Variants in TET1 observed in about 807,000 individuals in gnomAD.
TET1 encodes tet methylcytosine dioxygenase 1, also known as methylcytosine dioxygenase TET1.
A neutral mutation model predicts 148.7 loss-of-function variants in TET1; 13 were observed. That is an observed-to-expected ratio of 0.09 (90% CI 0.06 to 0.14). The LOEUF is 0.14. Among genes scored for constraint, TET1 ranks in the 10% least tolerant of loss-of-function variants. TET1 has a pLI of 1.00. For missense variants in TET1, 2,182 were observed against 2,553.8 expected, an observed-to-expected ratio of 0.85 and a Z score of 3.14; for synonymous variants, 907 against 937.2, an observed-to-expected ratio of 0.97 and a Z score of 0.59.
chr10:68,608,958 T>C (rs2054167398), intron 3 of TET1, among the ~76,000 whole-genome samples: 1 of 152,162 alleles, frequency 6.6e-6, no homozygotes, highest in African/African-American at 2.4e-5. Context: ...CCAAAAGTGT[T>C]GGAATTACAG....
chr10:68,596,961 T>A (rs1815775583), intron 2 of TET1, among the ~76,000 whole-genome samples: 1 of 151,882 alleles, frequency 6.6e-6, no homozygotes, highest in South Asian at 2.1e-4. Context: ...ATAGATATTC[T>A]GTACACCTAA....
chr10:68,588,305 G>A (rs950783351), intron 2 of TET1, among the ~76,000 whole-genome samples: 1 of 152,170 alleles, frequency 6.6e-6, no homozygotes, highest in Non-Finnish European at 1.5e-5. Context: ...TATTAAGTGA[G>A]CAGTATAGCA....
At chr10:68,671,663 G>T (rs10762236) in intron 7 of TET1, among the ~76,000 whole-genome samples, 111,948 of 152,234 alleles carry the variant, frequency 0.74, 42,396 homozygotes, top group East Asian at 0.84. Context: ...TAAGGCTTTA[G>T]AAATGCCCTA....
chr10:68,640,286 G>C (rs2054725639), intron 3 of TET1, among the ~76,000 whole-genome samples: 1 of 132,240 alleles, frequency 7.6e-6, no homozygotes, highest in Non-Finnish European at 1.6e-5. Context: ...TTTTCTGAGA[G>C]GGAGTCTCAC....
intron 6 of TET1, among the ~76,000 whole-genome samples, chr10:68,664,167 G>C (rs1036954121): frequency 2.6e-5 from 4 of 151,872 alleles, no homozygotes; most frequent in Admixed American, 2.0e-4. Context: ...TACTTTGCTA[G>C]GTGACAAATA....
chr10:68,570,901 G>A lies in TET1; in HGVS notation c.-122-1316G>A, dbSNP rs1590157150. 3.3e-5 allele frequency among the ~76,000 whole-genome samples: 5 copies of A among 151,978 alleles called. 2 individuals are homozygous for A. Among genetic ancestry groups the A allele is most frequent in the Admixed American group, 3.3e-4 (5 of 15,276 alleles). ...GCCTGCCTCAGCCTTCCAAAGTGCTGGGATTACAGGTGTGAACCACCGCGC... is the reference window on the plus strand; with the variant it reads ...GCCTGCCTCAGCCTTCCAAAGTGCTAGGATTACAGGTGTGAACCACCGCGC... On this transcript the variant is annotated intron_variant, in intron 1 of 11. Transcript: ENST00000373644.
At chr10:68,688,430 C>CTT (rs56149036) in intron 11 of TET1, among the ~76,000 whole-genome samples, 33 of 90,120 alleles carry the variant, frequency 3.7e-4, no homozygotes, top group African/African-American at 9.2e-4. Flanking sequence ...CTTTTGATAG[C>CTT]TTTTTTTTTT....
At chr10:68,614,503 C>A (rs954550592) in intron 3 of TET1, among the ~76,000 whole-genome samples, 8 of 152,138 alleles carry the variant, frequency 5.3e-5, no homozygotes, top group African/African-American at 1.9e-4. Flanking sequence ...GAAAAAGTAT[C>A]CTGTCTTCTC....
At chr10:68,662,310 G>A (rs1196778402) in intron 6 of TET1, among the ~76,000 whole-genome samples, 1 of 152,046 alleles carries the variant, frequency 6.6e-6, no homozygotes, top group Non-Finnish European at 1.5e-5. Flanking sequence ...TACCCAGCCT[G>A]TTGTTAATAG....
At chr10:68,636,811 G>C (rs748192445) in intron 3 of TET1, among the ~76,000 whole-genome samples, 5 of 152,142 alleles carry the variant, frequency 3.3e-5, no homozygotes, top group African/African-American at 4.8e-5. Context: ...CAGTTTCTCA[G>C]ATCCACTTTT....
intron 6 of TET1, among the ~76,000 whole-genome samples, chr10:68,655,573 GA>G (rs1222436977): frequency 2.6e-5 from 4 of 152,138 alleles, no homozygotes; most frequent in Non-Finnish European, 5.9e-5. Flanking sequence ...GTGGGATTGG[GA>G]TGATTTCTTT....
intron 2 of TET1, among the ~76,000 whole-genome samples, chr10:68,581,311 A>G (rs181576012): frequency 5.9e-5 from 9 of 152,260 alleles, no homozygotes; most frequent in South Asian, 4.1e-4. Flanking sequence ...TGTCACTCTC[A>G]GTCATCTAGG....
chr10:68,666,466 C>T (rs2055196922), intron 6 of TET1, among the ~76,000 whole-genome samples: 2 of 152,112 alleles, frequency 1.3e-5, no homozygotes, highest in Admixed American at 6.6e-5. Context: ...GTTGAGAGTT[C>T]TTGGTTATTT....
chr10:68,571,742 CT>C (rs2053672854), intron 1 of TET1, among the ~76,000 whole-genome samples: 1 of 152,108 alleles, frequency 6.6e-6, no homozygotes, highest in Non-Finnish European at 1.5e-5. Context: ...CCAAGCTGGT[CT>C]TGAACTCCTG....
intron 10 of TET1, among the ~76,000 whole-genome samples, chr10:68,683,828 A>G (rs563958611): frequency 2.0e-5 from 3 of 152,344 alleles, no homozygotes; most frequent in East Asian, 1.9e-4. Flanking sequence ...AACTGTGCCA[A>G]TTATCAGCAA....
intron 1 of TET1, among the ~76,000 whole-genome samples, chr10:68,560,974 T>C (rs1470062694): frequency 6.6e-6 from 1 of 151,824 alleles, no homozygotes; most frequent in Non-Finnish European, 1.5e-5. Flanking sequence ...CGGCCGGAGG[T>C]ATCGGCCACC....
chr10:68,608,628 G>A (rs1014704026), intron 3 of TET1, among the ~76,000 whole-genome samples: 12 of 151,776 alleles, frequency 7.9e-5, no homozygotes, highest in Non-Finnish European at 1.3e-4. Context: ...TCCACCTCCG[G>A]GGTTCAAGTG....
chr10:68,672,862 A>C, intron 7 of TET1, 33 bp from the exon 8 acceptor site: 1 of 1,578,338 alleles, frequency 6.3e-7, no homozygotes, highest in Non-Finnish European at 8.6e-7. Context: ...GTAATGCTTC[A>C]TCAATTCACT....
intron 3 of TET1, among the ~76,000 whole-genome samples, chr10:68,625,026 G>T (rs1209908128): frequency 6.6e-6 from 1 of 152,072 alleles, no homozygotes; most frequent in African/African-American, 2.4e-5. Flanking sequence ...GAGCCAGTGC[G>T]CCCGGCTTCT....
Sources: gnomAD v4.1 joint callset for allele counts (sites outside exome capture counted in the v4.1 genomes callset) on GRCh38, gnomAD v4.1.1 for gene constraint, MANE v1.5 for transcripts, NCBI Gene and HGNC (gene_info 2026-07-23, HGNC 2026-07-21) for gene names.